NPAS3: variants seen among roughly 807,000 people sequenced by gnomAD.
NPAS3 encodes the protein neuronal PAS domain protein 3.
In NPAS3, 14 loss-of-function variants were observed where a neutral mutation model predicts 73.1. That is an observed-to-expected ratio of 0.19 (90% CI 0.13 to 0.30). NPAS3 has a LOEUF of 0.30. Ranked by LOEUF, NPAS3 falls within the 10% of genes least tolerant of loss-of-function variation. The pLI, the probability that NPAS3 is intolerant of heterozygous loss-of-function variation, is 1.00. For synonymous variants in NPAS3, 620 were observed against 541.5 expected (o/e 1.14, Z -2.01); for missense variants, 1,096 against 1,250.0 (o/e 0.88, Z 1.86).
intron 7 of NPAS3, among the ~76,000 whole-genome samples, chr14:33,767,251 A>G (rs1418397712): frequency 6.6e-6 from 1 of 152,156 alleles, no homozygotes; most frequent in Non-Finnish European, 1.5e-5. Context: ...CCCACTCCCT[A>G]TAAATTTGCA....
At chr14:33,158,360 A>T (rs1460018773) in intron 2 of NPAS3, among the ~76,000 whole-genome samples, 2 of 152,186 alleles carry the variant, frequency 1.3e-5, no homozygotes, top group Non-Finnish European at 2.9e-5. Flanking sequence ...TGTGAGGACC[A>T]CTGGTTTAGA....
At chr14:33,771,927 A>C (rs2062666888) in intron 7 of NPAS3, among the ~76,000 whole-genome samples, 1 of 152,218 alleles carries the variant, frequency 6.6e-6, no homozygotes, top group Non-Finnish European at 1.5e-5. Flanking sequence ...ACATAGTTCC[A>C]GGCACTATTT....
chr14:33,168,672 T>C (rs943434566), intron 2 of NPAS3, among the ~76,000 whole-genome samples: 6 of 152,070 alleles, frequency 3.9e-5, no homozygotes, highest in African/African-American at 1.4e-4. Flanking sequence ...CCCGACTGCA[T>C]TTTCCTCTCC....
intron 3 of NPAS3, among the ~76,000 whole-genome samples, chr14:33,286,641 C>A (rs1356261457): frequency 1.3e-5 from 2 of 151,956 alleles, no homozygotes; most frequent in African/African-American, 4.8e-5. Flanking sequence ...GTGATGATAG[C>A]ATGAATGTGA....
intron 2 of NPAS3, among the ~76,000 whole-genome samples, chr14:33,086,626 T>A (rs2042034024): frequency 6.6e-6 from 1 of 152,208 alleles, no homozygotes; most frequent in Admixed American, 6.5e-5. Flanking sequence ...ATTTATGAGT[T>A]CTTTTACCAT....
In NPAS3 at chr14:33,258,026, C is replaced by T. The variant is rs546174943; in HGVS notation, c.385+42600C>T. ...TGAGGCTTATTTTGGCTGACACTTCCGGAGAGTAGCACAGCAAAGTAATTG... is the reference window on the plus strand; with the variant it reads ...TGAGGCTTATTTTGGCTGACACTTCTGGAGAGTAGCACAGCAAAGTAATTG... On this transcript the variant is annotated intron_variant, in intron 3 of 11. Transcript: ENST00000356141. Among the ~76,000 whole-genome samples, 7 of 152,206 alleles carry T rather than the reference C, an allele frequency of 4.6e-5. No homozygotes were observed. In the East Asian group the frequency reaches 5.8e-4, roughly 13 times the overall value.
chr14:33,238,556 A>G (rs192993188), intron 3 of NPAS3, among the ~76,000 whole-genome samples: 176 of 152,126 alleles, frequency 1.2e-3, no homozygotes, highest in Middle Eastern at 3.4e-3. Flanking sequence ...ATGACCTAGT[A>G]TAATGTTTTA....
chr14:33,379,078 CTG>C (rs1036323069), intron 4 of NPAS3, among the ~76,000 whole-genome samples: 2 of 152,100 alleles, frequency 1.3e-5, no homozygotes, highest in African/African-American at 2.4e-5. Flanking sequence ...TTATTAAAAA[CTG>C]TGTAAGATTA....
rs1008778426 is a variant in NPAS3, at chr14:33,797,677, A to G, written c.1426+96A>G. The G allele has an allele frequency of 4.3e-5, 53 of 1,235,234 alleles. No individual in the cohort carries two copies. In the South Asian group the frequency reaches 6.5e-4, roughly 15 times the overall value. The allele number at this position is 1,235,234 out of a possible 1,614,324, so 76.5% of individuals were successfully genotyped here. ...GAGGGCCATCATCAGAGGCAAAGCA[A>G]CTGGTCACATTTCAGAGAGACATAT... On this transcript the variant is annotated intron_variant, in intron 11 of 11. Transcript: ENST00000356141.
chr14:33,127,929 T>C (rs1952079), intron 2 of NPAS3, among the ~76,000 whole-genome samples: 37,748 of 152,056 alleles, frequency 0.25, 4,909 homozygotes, highest in Middle Eastern at 0.38. Context: ...AAGGGAGGCA[T>C]AGATTTATAA....
intron 4 of NPAS3, among the ~76,000 whole-genome samples, chr14:33,515,004 CT>C (rs2053230640): frequency 6.6e-6 from 1 of 152,100 alleles, no homozygotes; most frequent in South Asian, 2.1e-4. Context: ...ATGGAAGAAA[CT>C]GAGGCACAGA....
intron 4 of NPAS3, among the ~76,000 whole-genome samples, chr14:33,524,752 G>A (rs1287456429): frequency 7.2e-5 from 11 of 152,096 alleles, no homozygotes; most frequent in Non-Finnish European, 1.3e-4. Context: ...TGTGAGGGAG[G>A]CTCTGTTCCA....
At chr14:33,483,341 C>T (rs1041511082) in intron 4 of NPAS3, among the ~76,000 whole-genome samples, 6 of 152,088 alleles carry the variant, frequency 3.9e-5, no homozygotes, top group South Asian at 2.1e-4. Flanking sequence ...TGTCTCCACC[C>T]GTGGGTTTTG....
chr14:33,395,850 T>A (rs191736703), intron 4 of NPAS3, among the ~76,000 whole-genome samples: 1 of 152,286 alleles, frequency 6.6e-6, no homozygotes, highest in Admixed American at 6.5e-5. Flanking sequence ...CATTTAGGTA[T>A]CAGGCACTTT....
chr14:33,033,724 T>A (rs1171679836), intron 1 of NPAS3, among the ~76,000 whole-genome samples: 1 of 152,160 alleles, frequency 6.6e-6, no homozygotes, highest in African/African-American at 2.4e-5. Flanking sequence ...CACAGCTATA[T>A]CAGTTACCTC....
chr14:33,196,505 T>G (rs530276337), intron 2 of NPAS3, among the ~76,000 whole-genome samples: 32 of 152,342 alleles, frequency 2.1e-4, no homozygotes, highest in African/African-American at 7.0e-4. Context: ...TTCTGGCTCA[T>G]GTGAGGATCT....
chr14:32,960,118 A>G (rs911714027), intron 1 of NPAS3, among the ~76,000 whole-genome samples: 6 of 152,126 alleles, frequency 3.9e-5, no homozygotes, highest in African/African-American at 1.4e-4. Context: ...ATAGTAATAA[A>G]ACATGTGGAA....
At chr14:33,106,826 A>G (rs188928345) in intron 2 of NPAS3, among the ~76,000 whole-genome samples, 21 of 152,302 alleles carry the variant, frequency 1.4e-4, no homozygotes, top group Admixed American at 1.3e-3. Flanking sequence ...ATGATTTCCT[A>G]GTGTTTCAAT....
At chr14:33,045,336 G>T (rs2040473627) in intron 1 of NPAS3, among the ~76,000 whole-genome samples, 2 of 152,150 alleles carry the variant, frequency 1.3e-5, no homozygotes, top group Admixed American at 1.3e-4. Flanking sequence ...CTTAGTATTT[G>T]TTTCCTCCTC....
Sources: allele counts gnomAD v4.1 joint callset (sites outside exome capture counted in the v4.1 genomes callset), GRCh38; gene constraint gnomAD v4.1.1; transcripts MANE v1.5; gene names NCBI Gene and HGNC (gene_info 2026-07-23, HGNC 2026-07-21).